The following PSD3 variants were observed in gnomAD, a reference collection of about 807,000 sequenced individuals.
PSD3 encodes pleckstrin and Sec7 domain containing 3.
Under a neutral mutation model 105.5 loss-of-function variants are expected in PSD3, and 49 were observed. The observed-to-expected ratio is 0.46, with a 90% CI of 0.37 to 0.59. The LOEUF is 0.59. Ranked by LOEUF, PSD3 falls within the 20% of genes least tolerant of loss-of-function variation. PSD3 has a pLI of 0.00. For missense variants in PSD3, 1,561 were observed against 1,263.8 expected (o/e 1.24, Z -3.57); for synonymous variants, 557 against 457.8 (o/e 1.22, Z -2.77).
intron 2 of PSD3, among the ~76,000 whole-genome samples, chr8:18,898,268 T>C (rs926894375): frequency 3.3e-5 from 5 of 152,226 alleles, no homozygotes; most frequent in Non-Finnish European, 5.9e-5. Context: ...TTGCTTTGAT[T>C]ACCTGGGTGC....
intron 2 of PSD3, among the ~76,000 whole-genome samples, chr8:18,901,300 C>T (rs1333545987): frequency 2.0e-5 from 3 of 152,070 alleles, no homozygotes; most frequent in African/African-American, 4.8e-5. Context: ...AGGTCAAAAC[C>T]TGTGTTGTTA....
Position 18,797,886 on chromosome 8 carries a change from C to T in PSD3, c.2082+1409G>A, listed in dbSNP as rs28673164. ...TATCTAGTGTGAAGGGAATTCTTCA[C>T]GCTGGTGATCACTGACTTGATTCAA... On this transcript the variant is annotated intron_variant, in intron 8 of 15. Coordinates refer to ENST00000327040, the MANE Select transcript of PSD3 (RefSeq NM_015310.4). 5.2e-3 allele frequency among the ~76,000 whole-genome samples: 786 copies of T among 152,146 alleles called. 9 individuals carry two copies. Among genetic ancestry groups the T allele is most frequent in the African/African-American group, 0.018 (745 of 41,524 alleles).
chr8:18,915,749 A>T (rs1425814652), intron 2 of PSD3, among the ~76,000 whole-genome samples: 2 of 152,226 alleles, frequency 1.3e-5, no homozygotes, highest in Admixed American at 1.3e-4. Flanking sequence ...CCATGTGGGA[A>T]GAAGGGGAAC....
intron 15 of PSD3, among the ~76,000 whole-genome samples, chr8:18,539,194 T>TAC (rs779118934): frequency 2.0e-5 from 3 of 152,340 alleles, no homozygotes; most frequent in Non-Finnish European, 4.4e-5. Context: ...TCTCTAGGAT[T>TAC]ACAGACTCAA....
intron 4 of PSD3, among the ~76,000 whole-genome samples, chr8:18,846,575 G>A (rs2129451776): frequency 6.6e-6 from 1 of 152,174 alleles, no homozygotes; most frequent in East Asian, 1.9e-4. Context: ...ACGGACTGCT[G>A]ACAAATGATC....
intron 4 of PSD3, among the ~76,000 whole-genome samples, chr8:18,839,459 TC>T (rs1315188923): frequency 6.6e-6 from 1 of 152,126 alleles, no homozygotes; most frequent in African/African-American, 2.4e-5. Flanking sequence ...TGAGAACACC[TC>T]CCATTTGCTT....
intron 12 of PSD3, among the ~76,000 whole-genome samples, chr8:18,599,085 T>A (rs1804244617): frequency 6.6e-6 from 1 of 152,080 alleles, no homozygotes; most frequent in Non-Finnish European, 1.5e-5. Context: ...AGACTCTGAA[T>A]CTCTGAATAA....
At chr8:19,018,823 G>A (rs1362046101) in intron 1 of PSD3, among the ~76,000 whole-genome samples, 2 of 152,184 alleles carry the variant, frequency 1.3e-5, no homozygotes, top group South Asian at 4.1e-4. Context: ...TTGAGACAGA[G>A]TCTTGCTCTG....
At chr8:19,045,771 T>C (rs1828297077) in intron 1 of PSD3, among the ~76,000 whole-genome samples, 1 of 152,156 alleles carries the variant, frequency 6.6e-6, no homozygotes, top group African/African-American at 2.4e-5. Flanking sequence ...GAAGATGCTG[T>C]TAACATTTGT....
chr8:18,621,107 A>G (rs899591022), intron 11 of PSD3, among the ~76,000 whole-genome samples: 1 of 152,084 alleles, frequency 6.6e-6, no homozygotes, highest in Non-Finnish European at 1.5e-5. Context: ...CATTGTTCCT[A>G]GTCAAGAGTA....
At chr8:18,950,521 C>T (rs1823169157) in intron 1 of PSD3, among the ~76,000 whole-genome samples, 1 of 152,128 alleles carries the variant, frequency 6.6e-6, no homozygotes, top group Non-Finnish European at 1.5e-5. Flanking sequence ...ACCCTCTGGC[C>T]ATCATCTCCC....
intron 1 of PSD3, among the ~76,000 whole-genome samples, chr8:19,076,881 T>C (rs1829478604): frequency 6.6e-6 from 1 of 152,176 alleles, no homozygotes; most frequent in African/African-American, 2.4e-5. Flanking sequence ...GTGTTAAGTC[T>C]GAATGTCAAA....
chr8:18,838,668 G>A (rs943321067), intron 4 of PSD3, among the ~76,000 whole-genome samples: 1 of 151,742 alleles, frequency 6.6e-6, no homozygotes, highest in Admixed American at 6.6e-5. Context: ...GGGCGTGGTG[G>A]CGGGCACCTG....
At chr8:18,595,576 A>G (rs1804033318) in intron 12 of PSD3, among the ~76,000 whole-genome samples, 1 of 152,032 alleles carries the variant, frequency 6.6e-6, no homozygotes, top group South Asian at 2.1e-4. Flanking sequence ...CTGAACATGA[A>G]ATAATGGAAA....
At chr8:18,890,789 C>T (rs1309075379) in intron 2 of PSD3, among the ~76,000 whole-genome samples, 1 of 151,674 alleles carries the variant, frequency 6.6e-6, no homozygotes, top group Non-Finnish European at 1.5e-5. Flanking sequence ...ATGTGTGTTC[C>T]CTGTGCTGCA....
intron 15 of PSD3, among the ~76,000 whole-genome samples, chr8:18,547,985 C>T (rs949390073): frequency 1.1e-4 from 17 of 151,978 alleles, no homozygotes; most frequent in Non-Finnish European, 1.8e-4. Flanking sequence ...TTCTTTCTCC[C>T]TTCCTTTTCA....
chr8:18,631,041 T>C (rs1007852119), intron 11 of PSD3, among the ~76,000 whole-genome samples: 3 of 152,014 alleles, frequency 2.0e-5, no homozygotes, highest in Admixed American at 2.0e-4. Flanking sequence ...TTTCGTATTT[T>C]TCACTTAGCC....
chr8:18,568,452 G>C (rs1801930755), intron 14 of PSD3, among the ~76,000 whole-genome samples: 1 of 151,694 alleles, frequency 6.6e-6, no homozygotes, highest in East Asian at 1.9e-4. Context: ...AAGCAAGGGG[G>C]GAAATCAAGA....
intron 9 of PSD3, among the ~76,000 whole-genome samples, chr8:18,752,479 TTATTA>T (rs1196422031): frequency 1.8e-3 from 108 of 60,444 alleles, no homozygotes; most frequent in African/African-American, 6.4e-3. Flanking sequence ...AATATATATA[TTATTA>T]TATATATAAT....
Sources: gnomAD v4.1 joint callset for allele counts (sites outside exome capture counted in the v4.1 genomes callset) on GRCh38, gnomAD v4.1.1 for gene constraint, MANE v1.5 for transcripts, NCBI Gene and HGNC (gene_info 2026-07-23, HGNC 2026-07-21) for gene names.